The following PLCB1 variants were observed in gnomAD, a reference collection of about 807,000 sequenced individuals.
PLCB1 encodes the protein 1-phosphatidylinositol 4,5-bisphosphate phosphodiesterase beta-1.
PLCB1 carries 46 observed loss-of-function variants against 161.8 expected under a neutral mutation model. The ratio of observed to expected loss-of-function variants is 0.28; its 90% confidence interval spans 0.22 to 0.36. PLCB1 has a LOEUF of 0.36. PLCB1 is among the 10% of genes least tolerant of loss of function. The pLI, the probability that PLCB1 is intolerant of heterozygous loss-of-function variation, is 1.00. For missense variants in PLCB1, 1,016 were observed against 1,472.5 expected, an observed-to-expected ratio of 0.69 and a Z score of 5.07; for synonymous variants, 517 against 503.7, an observed-to-expected ratio of 1.03 and a Z score of -0.35.
At chr20:8,583,756 G>A (rs1396154799) in intron 3 of PLCB1, among the ~76,000 whole-genome samples, 1 of 152,190 alleles carries the variant, frequency 6.6e-6, no homozygotes, top group East Asian at 1.9e-4. Context: ...ATTTAACTAA[G>A]TGAGAGAAGG....
intron 7 of PLCB1, among the ~76,000 whole-genome samples, chr20:8,654,502 A>G (rs1989399902): frequency 6.6e-6 from 1 of 152,110 alleles, no homozygotes; most frequent in African/African-American, 2.4e-5. Flanking sequence ...AAGGAATTAA[A>G]TAAGAGATTG....
At chr20:8,783,547 T>C (rs999877266) in intron 27 of PLCB1, among the ~76,000 whole-genome samples, 1 of 152,234 alleles carries the variant, frequency 6.6e-6, no homozygotes, top group Admixed American at 6.5e-5. Flanking sequence ...TTTCTGTTTT[T>C]GTTTGTTTTT....
intron 2 of PLCB1, among the ~76,000 whole-genome samples, chr20:8,172,479 G>T (rs896368935): frequency 2.0e-5 from 3 of 152,176 alleles, no homozygotes; most frequent in South Asian, 4.1e-4. Context: ...TAGTAAATGG[G>T]GATTGGGATC....
chr20:8,442,492 A>G (rs1193102031), intron 3 of PLCB1, among the ~76,000 whole-genome samples: 1 of 152,186 alleles, frequency 6.6e-6, no homozygotes, highest in Non-Finnish European at 1.5e-5. Context: ...ACCTCTTAAT[A>G]CTATCACAAT....
At chr20:8,276,938 CTTCT>C (rs1982583087) in intron 2 of PLCB1, among the ~76,000 whole-genome samples, 43 of 41,460 alleles carry the variant, frequency 1.0e-3, no homozygotes, top group South Asian at 3.1e-3. Context: ...TCTTCTTCTT[CTTCT>C]TCTTCTTCTT....
At chr20:8,514,916 A>G (rs980381708) in intron 3 of PLCB1, among the ~76,000 whole-genome samples, 2 of 152,184 alleles carry the variant, frequency 1.3e-5, no homozygotes, top group African/African-American at 4.8e-5. Context: ...CCAGGAGTTC[A>G]GGGGTTAGGC....
chr20:8,652,474 T>TTTA (rs1989347085), intron 7 of PLCB1: 1 of 152,146 alleles, frequency 6.6e-6, no homozygotes, highest in African/African-American at 2.4e-5. Context: ...CTGTTTTAAA[T>TTTA]CTCTGTGATA....
At chr20:8,480,429 A>G (rs1299607759) in intron 3 of PLCB1, among the ~76,000 whole-genome samples, 2 of 152,160 alleles carry the variant, frequency 1.3e-5, no homozygotes, top group East Asian at 1.9e-4. Flanking sequence ...AGTGGGAAGG[A>G]GATGTTCTGA....
intron 31 of PLCB1, among the ~76,000 whole-genome samples, chr20:8,824,595 G>A (rs563154773): frequency 2.6e-5 from 4 of 152,192 alleles, no homozygotes; most frequent in African/African-American, 9.6e-5. Flanking sequence ...AGATGATGAG[G>A]CTTGCATATC....
At chr20:8,620,270 G>A (rs1014598726) in intron 3 of PLCB1, among the ~76,000 whole-genome samples, 6 of 151,882 alleles carry the variant, frequency 4.0e-5, no homozygotes, top group East Asian at 1.9e-4. Flanking sequence ...TGTTATGTGC[G>A]GCTCTCAGCC....
At chr20:8,775,891 G>A (rs1207926178) in intron 27 of PLCB1, among the ~76,000 whole-genome samples, 2 of 152,100 alleles carry the variant, frequency 1.3e-5, no homozygotes, top group African/African-American at 4.8e-5. Flanking sequence ...TTTTTAACAA[G>A]CCCCACATGA....
chr20:8,872,463 T>A (rs555245279), intron 31 of PLCB1, among the ~76,000 whole-genome samples: 1 of 152,288 alleles, frequency 6.6e-6, no homozygotes, highest in Admixed American at 6.5e-5. Context: ...GCATTTTACT[T>A]GAGTGGTTTG....
intron 31 of PLCB1, among the ~76,000 whole-genome samples, chr20:8,870,738 C>T (rs1185742508): frequency 6.6e-6 from 1 of 152,192 alleles, no homozygotes; most frequent in African/African-American, 2.4e-5. Flanking sequence ...AACCCTCATT[C>T]TGCCCTTCAC....
chr20:8,149,462 A>T (rs781277271), intron 1 of PLCB1, among the ~76,000 whole-genome samples: 8 of 152,204 alleles, frequency 5.3e-5, no homozygotes, highest in Admixed American at 2.6e-4. Flanking sequence ...AATTTTCATT[A>T]CAAGTTCTTT....
chr20:8,688,600 G>A (rs771194147), intron 10 of PLCB1, among the ~76,000 whole-genome samples: 1 of 152,118 alleles, frequency 6.6e-6, no homozygotes, highest in Non-Finnish European at 1.5e-5. Flanking sequence ...GTTGAAAAGG[G>A]TGTTTTTCCC....
chr20:8,713,489 C>A (rs999210270), intron 12 of PLCB1, among the ~76,000 whole-genome samples: 2 of 152,104 alleles, frequency 1.3e-5, no homozygotes, highest in African/African-American at 2.4e-5. Flanking sequence ...AGCCCTCAGG[C>A]AGGTTCTAAA....
intron 4 of PLCB1, 101 bp from the exon 5 acceptor site, chr20:8,646,001 G>A (rs1197947724): frequency 2.7e-6 from 2 of 749,582 alleles, no homozygotes; most frequent in Non-Finnish European, 4.7e-6. Context: ...CCTTTGGCAT[G>A]CACATTGAAC....
intron 1 of PLCB1, among the ~76,000 whole-genome samples, chr20:8,138,122 G>A (rs2051367130): frequency 6.6e-6 from 1 of 152,154 alleles, no homozygotes; most frequent in Admixed American, 6.5e-5. Flanking sequence ...TACTGTTGCT[G>A]GAATATAATT....
At chr20:8,461,408 T>C (rs976066352) in intron 3 of PLCB1, among the ~76,000 whole-genome samples, 1 of 152,134 alleles carries the variant, frequency 6.6e-6, no homozygotes, top group Non-Finnish European at 1.5e-5. Flanking sequence ...AGTCACTTAA[T>C]CCCTCTAAGC....
Sources: gnomAD v4.1 joint callset for allele counts (sites outside exome capture counted in the v4.1 genomes callset) on GRCh38, gnomAD v4.1.1 for gene constraint, MANE v1.5 for transcripts, NCBI Gene and HGNC (gene_info 2026-07-23, HGNC 2026-07-21) for gene names.